The following PDCD4 variants were observed in gnomAD, a reference collection of about 807,000 sequenced individuals.
The protein encoded by PDCD4 is programmed cell death 4.
A neutral mutation model predicts 54.0 loss-of-function variants in PDCD4; 56 were observed. The observed-to-expected ratio is 1.04, with a 90% CI of 0.84 to 1.30. The LOEUF (loss-of-function observed/expected upper bound fraction) is 1.30, where lower values mean the gene tolerates loss of function less well. PDCD4 is among the 50% of genes most tolerant of loss of function. PDCD4 has a pLI of 0.00. For missense variants in PDCD4, 584 were observed against 559.8 expected (o/e 1.04, Z -0.44); for synonymous variants, 186 against 194.8 (o/e 0.95, Z 0.37).
chr10:110,876,670 G>T, intron 2 of PDCD4: 2 of 1,060,524 alleles, frequency 1.9e-6, no homozygotes, highest in South Asian at 3.0e-5. Context: ...AATTACCTAG[G>T]GTATTTTCCC....
At chr10:110,892,068 C>T (rs370026265) in intron 8 of PDCD4, among the ~76,000 whole-genome samples, 1 of 152,086 alleles carries the variant, frequency 6.6e-6, no homozygotes, top group Non-Finnish European at 1.5e-5. Flanking sequence ...ATTCTCTATA[C>T]AGTAGAAATG....
chr10:110,876,216 T>A, intron 2 of PDCD4, 146 bp downstream of exon 2: 1 of 567,298 alleles, frequency 1.8e-6, no homozygotes, highest in Non-Finnish European at 3.1e-6. Context: ...TATCTCAGCC[T>A]CCTCAGCAGC....
chr10:110,889,415 A>G (rs987925148), intron 6 of PDCD4, 118 bp from the exon 7 acceptor site: 3 of 695,670 alleles, frequency 4.3e-6, no homozygotes, highest in Admixed American at 4.9e-5. Flanking sequence ...AAATTCCAGC[A>G]TCTTTTAGGT....
At chr10:110,872,640 A>G (rs918153124) in intron 1 of PDCD4, among the ~76,000 whole-genome samples, 24 of 152,242 alleles carry the variant, frequency 1.6e-4, no homozygotes, top group African/African-American at 5.3e-4. Flanking sequence ...GCCGCGCGCT[A>G]TCCTCGCCGG....
At chr10:110,877,494 ATATAT>A (rs1845523585) in intron 2 of PDCD4, among the ~76,000 whole-genome samples, 2 of 152,196 alleles carry the variant, frequency 1.3e-5, no homozygotes, top group Non-Finnish European at 2.9e-5. Flanking sequence ...ATTAAATAAA[ATATAT>A]TTAAATTAAT....
intron 6 of PDCD4, among the ~76,000 whole-genome samples, chr10:110,888,424 C>T (rs976314121): frequency 9.9e-5 from 15 of 152,130 alleles, no homozygotes; most frequent in African/African-American, 3.4e-4. Flanking sequence ...ACAGACAATA[C>T]TCGGTATGAG....
At chr10:110,880,780 A>C (rs1023320598) in intron 2 of PDCD4, among the ~76,000 whole-genome samples, 3 of 152,152 alleles carry the variant, frequency 2.0e-5, no homozygotes, top group Non-Finnish European at 2.9e-5. Flanking sequence ...TAAATGATAG[A>C]GTGTCTAGCA....
At chr10:110,897,337 T>G (rs1845854498) in intron 11 of PDCD4, among the ~76,000 whole-genome samples, 1 of 152,212 alleles carries the variant, frequency 6.6e-6, no homozygotes, top group South Asian at 2.1e-4. Flanking sequence ...TTGTGTGTGG[T>G]TTTGCATGCT....
At position 110,887,719 on chromosome 10, in the gene PDCD4, G is replaced by C; in HGVS notation, c.610G>C (p.Ala204Pro). Residue 204 changes from alanine (A) to proline (P), a missense_variant, in exon 6 of 12, where the codon GCA becomes CCA. By Grantham distance (27) the Ala-to-Pro change is conservative. Coordinates refer to ENST00000280154, the MANE Select transcript of PDCD4 (RefSeq NM_014456.5). ...AATGAAAAGTGGAGTACCAGTGTTG[G>C]CAGTATCCTTAGCATTGGAGGGGAA... ...GEMKSGVPVLAVSLALEGKAS... is the reference protein window; with the variant it reads ...GEMKSGVPVLPVSLALEGKAS... 3.1e-6 allele frequency: 5 copies of C among 1,613,454 alleles called. No homozygotes were observed. The highest frequency in any genetic ancestry group is 4.2e-6 in the Non-Finnish European group (5 of 1,179,462).
chr10:110,882,753 G>C (rs1414789291), intron 3 of PDCD4, among the ~76,000 whole-genome samples: 1 of 151,718 alleles, frequency 6.6e-6, no homozygotes, highest in Admixed American at 6.6e-5. Context: ...ATCTTTATTT[G>C]TTTTTGCTTT....
chr10:110,877,218 A>G (rs992137306), intron 2 of PDCD4, among the ~76,000 whole-genome samples: 1 of 152,240 alleles, frequency 6.6e-6, no homozygotes, highest in Non-Finnish European at 1.5e-5. Context: ...TACAGTTTAG[A>G]ATATATTTTA....
At chr10:110,872,859 C>T (rs1053529522) in intron 1 of PDCD4, among the ~76,000 whole-genome samples, 1 of 152,160 alleles carries the variant, frequency 6.6e-6, no homozygotes, top group African/African-American at 2.4e-5. Context: ...TGGGGTTTTG[C>T]AAGAGCTTCA....
chr10:110,894,925 A>G (rs1845809037), intron 10 of PDCD4, among the ~76,000 whole-genome samples: 1 of 151,744 alleles, frequency 6.6e-6, no homozygotes, highest in East Asian at 1.9e-4. Context: ...TTTGCCTTGT[A>G]TTTTTTTAAA....
chr10:110,888,930 T>C (rs950905311), intron 6 of PDCD4, among the ~76,000 whole-genome samples: 1 of 152,120 alleles, frequency 6.6e-6, no homozygotes, highest in African/African-American at 2.4e-5. Context: ...TTTTTTTGTT[T>C]TGTTTTAAGA....
rs1211639143 is a variant in PDCD4, at chr10:110,899,772, G to C, written c.*1684G>C. ...AGATGGTGCCATTGCTCTCGTTTGG[G>C]CAACAAGAGTGAAACTCTTGTCTCA... On this transcript the variant is annotated 3_prime_UTR_variant, in exon 12 of 12. Coordinates refer to ENST00000280154, the MANE Select transcript of PDCD4 (RefSeq NM_014456.5). 1 of 148,270 alleles carries C rather than the reference G, an allele frequency of 6.7e-6. No homozygotes were observed. Among genetic ancestry groups the C allele is most frequent in the Non-Finnish European group, 1.5e-5 (1 of 67,448 alleles). The allele number at this position is 148,270 out of a possible 1,614,324, so 9.2% of individuals were successfully genotyped here.
At position 110,890,570 on chromosome 10, in the gene PDCD4, A is replaced by G. The variant is rs1312253949; in HGVS notation, c.890A>G (p.Lys297Arg). The G allele has an allele frequency of 1.2e-6, 2 of 1,611,450 alleles. No individual in the cohort carries two copies. Among genetic ancestry groups the G allele is most frequent in the African/African-American group, 2.7e-5 (2 of 74,872 alleles). ...DCVQARAALD[K>R]ATVLLSMSKG... ...TTTCTCTGTAGAGCTGCTCTGGATAAGGCTACCGTGCTTCTGAGTATGTCT... is the reference window on the plus strand; with the variant it reads ...TTTCTCTGTAGAGCTGCTCTGGATAGGGCTACCGTGCTTCTGAGTATGTCT... The change falls in exon 8 of 12, where the codon AAG becomes AGG. Residue 297 changes from lysine (K) to arginine (R), a missense_variant. Coordinates refer to ENST00000280154, the MANE Select transcript of PDCD4 (RefSeq NM_014456.5).
Position 110,890,651 on chromosome 10 carries a change from T to C in PDCD4, c.971T>C (p.Val324Ala). 6.2e-7 allele frequency: 1 copy of C among 1,605,936 alleles called. No homozygotes were observed. Among genetic ancestry groups the C allele is most frequent in the Non-Finnish European group, 8.5e-7 (1 of 1,173,028 alleles). The change falls in exon 8 of 12, where the codon GTC (valine) becomes GCC (alanine). Residue 324 changes from valine (V) to alanine (A), a missense_variant. Physicochemically the swap from Val to Ala is moderately conservative, Grantham distance 64. Coordinates refer to ENST00000280154, the MANE Select transcript of PDCD4 (RefSeq NM_014456.5). ...GGCTCTGGAGGTGGGCAGCAATCTG[T>C]CAATCACCTTGTTAAAGAGGTAATG... Reference protein sequence around the residue: ...VWGSGGGQQSVNHLVKEIDML... With the variant: ...VWGSGGGQQSANHLVKEIDML...
intron 1 of PDCD4, among the ~76,000 whole-genome samples, chr10:110,875,605 T>C (rs1845491326): frequency 6.6e-6 from 1 of 152,208 alleles, no homozygotes; most frequent in South Asian, 2.1e-4. Context: ...CCTATGTATG[T>C]ATATCAGATT....
chr10:110,873,229 T>C lies in PDCD4; in HGVS notation c.-63+1211T>C, dbSNP rs75853227. 2.0e-5 allele frequency among the ~76,000 whole-genome samples: 3 copies of C among 152,228 alleles called. No homozygotes were observed. The East Asian group carries it at 5.8e-4, about 29-fold the overall frequency. ...GTACTAATGTGAAAGGAAAAAATAT[T>C]AGGACTGCAAAAATAAATGCCGCTT... On this transcript the variant is annotated intron_variant, in intron 1 of 11. Transcript: ENST00000280154.
Sources: allele counts gnomAD v4.1 joint callset (sites outside exome capture counted in the v4.1 genomes callset), GRCh38; gene constraint gnomAD v4.1.1; transcripts MANE v1.5; gene names NCBI Gene and HGNC (gene_info 2026-07-23, HGNC 2026-07-21).